DPYD: variants seen among roughly 807,000 people sequenced by gnomAD.
DPYD encodes dihydropyrimidine dehydrogenase [NADP(+)].
A neutral mutation model predicts 116.2 loss-of-function variants in DPYD; 109 were observed. That is an observed-to-expected ratio of 0.94 (90% CI 0.80 to 1.10). The LOEUF is 1.10. Among genes scored for constraint, DPYD ranks in the 50% least tolerant of loss-of-function variants. The pLI is 0.00. For synonymous variants in DPYD, 440 were observed against 432.0 expected (o/e 1.02, Z -0.23); for missense variants, 1,302 against 1,254.5 (o/e 1.04, Z -0.57).
chr1:97,873,806 A>T (rs990504620), intron 2 of DPYD, among the ~76,000 whole-genome samples: 1 of 151,984 alleles, frequency 6.6e-6, no homozygotes, highest in African/African-American at 2.4e-5. Context: ...TAAATATTCA[A>T]TTGTTATTTA....
At chr1:97,086,615 T>C (rs1447743882) in intron 21 of DPYD, among the ~76,000 whole-genome samples, 3 of 152,224 alleles carry the variant, frequency 2.0e-5, no homozygotes, top group Non-Finnish European at 4.4e-5. Flanking sequence ...CAGTTTCTAC[T>C]GCATGCCTAT....
At chr1:97,139,099 T>C (rs1654014809) in intron 20 of DPYD, among the ~76,000 whole-genome samples, 1 of 152,198 alleles carries the variant, frequency 6.6e-6, no homozygotes, top group Non-Finnish European at 1.5e-5. Flanking sequence ...AGTTTTTGGA[T>C]TAGTAAATCT....
chr1:97,493,375 AGAG>A (rs2101909446), intron 13 of DPYD, among the ~76,000 whole-genome samples: 1 of 152,334 alleles, frequency 6.6e-6, no homozygotes, highest in South Asian at 2.1e-4. Flanking sequence ...TCCAGAGCCC[AGAG>A]GAGTTCAAAT....
intron 18 of DPYD, among the ~76,000 whole-genome samples, chr1:97,290,334 A>G (rs1250218844): frequency 6.6e-6 from 1 of 151,984 alleles, no homozygotes; most frequent in Non-Finnish European, 1.5e-5. Context: ...GGAAAAAACT[A>G]CTTTAAAGTT....
chr1:97,484,519 G>C (rs538442942), intron 13 of DPYD, among the ~76,000 whole-genome samples: 203 of 152,134 alleles, frequency 1.3e-3, no homozygotes, highest in African/African-American at 4.6e-3. Context: ...TTGTGCCTTT[G>C]TGGCCACCAT....
At chr1:97,099,057 T>C (rs561059980) in intron 20 of DPYD, among the ~76,000 whole-genome samples, 1 of 152,104 alleles carries the variant, frequency 6.6e-6, no homozygotes, top group Non-Finnish European at 1.5e-5. Context: ...ACAGTTGTAG[T>C]CCCTGACAAA....
chr1:97,199,971 G>A (rs1418733317), intron 19 of DPYD, among the ~76,000 whole-genome samples: 1 of 152,102 alleles, frequency 6.6e-6, no homozygotes, highest in Non-Finnish European at 1.5e-5. Flanking sequence ...CATCTGAAAA[G>A]TAAAATAAAT....
intron 19 of DPYD, among the ~76,000 whole-genome samples, chr1:97,195,910 T>C (rs1449232707): frequency 6.6e-6 from 1 of 151,308 alleles, no homozygotes; most frequent in African/African-American, 2.4e-5. Context: ...CACTCGGCAA[T>C]ATACCGGATA....
At chr1:97,306,043 T>C (rs1667140135) in intron 17 of DPYD, 134 bp downstream of exon 17, 2 of 1,388,942 alleles carry the variant, frequency 1.4e-6, no homozygotes, top group Admixed American at 1.7e-5. Flanking sequence ...TGGGATCAAG[T>C]GCTCAACTGG....
intron 15 of DPYD, among the ~76,000 whole-genome samples, chr1:97,381,700 A>G (rs1315666729): frequency 1.3e-5 from 2 of 152,182 alleles, no homozygotes; most frequent in African/African-American, 4.8e-5. Context: ...AGTCTTCTAC[A>G]TTACTGAGAG....
chr1:97,280,327 C>A (rs1665238917), intron 18 of DPYD: 1 of 151,674 alleles, frequency 6.6e-6, no homozygotes, highest in African/African-American at 2.4e-5. Flanking sequence ...AGAAAAAAAC[C>A]AAACATAGCT....
At chr1:97,616,707 A>C (rs1656287868) in intron 8 of DPYD, among the ~76,000 whole-genome samples, 1 of 152,210 alleles carries the variant, frequency 6.6e-6, no homozygotes, top group Non-Finnish European at 1.5e-5. Context: ...ACAAAAAAGA[A>C]GAAATATATA....
chr1:97,210,812 C>T (rs964071027), intron 19 of DPYD, among the ~76,000 whole-genome samples: 4 of 152,248 alleles, frequency 2.6e-5, no homozygotes, highest in African/African-American at 7.2e-5. Flanking sequence ...TACTACTCCA[C>T]CAGTCCAAAG....
chr1:97,419,484 C>T (rs11165868), intron 14 of DPYD, among the ~76,000 whole-genome samples: 24,955 of 151,978 alleles, frequency 0.16, 2,319 homozygotes, highest in East Asian at 0.38. Flanking sequence ...AAAATAGGCA[C>T]CGATATTCCA....
intron 2 of DPYD, among the ~76,000 whole-genome samples, chr1:97,833,173 A>T (rs924005010): frequency 2.6e-5 from 4 of 152,158 alleles, no homozygotes; most frequent in Admixed American, 6.5e-5. Flanking sequence ...TAGGAAACCA[A>T]TTTTAACAAA....
At chr1:97,309,228 A>G (rs766478052) in intron 16 of DPYD, among the ~76,000 whole-genome samples, 1 of 151,904 alleles carries the variant, frequency 6.6e-6, no homozygotes, top group Middle Eastern at 3.4e-3. Context: ...CTAATACACA[A>G]AAACGTCTAC....
chr1:97,844,813 C>T (rs1010675405), intron 2 of DPYD, among the ~76,000 whole-genome samples: 1 of 152,198 alleles, frequency 6.6e-6, no homozygotes, highest in Non-Finnish European at 1.5e-5. Flanking sequence ...CCTGGGAAAC[C>T]CCCCACTGCC....
chr1:97,253,783 T>A (rs566134069), intron 18 of DPYD, among the ~76,000 whole-genome samples: 2 of 152,244 alleles, frequency 1.3e-5, no homozygotes, highest in South Asian at 4.1e-4. Context: ...CATTAAAAAA[T>A]AAACCTTTAT....
At chr1:97,761,200 A>G (rs940752151) in intron 3 of DPYD, among the ~76,000 whole-genome samples, 4 of 152,148 alleles carry the variant, frequency 2.6e-5, no homozygotes, top group Non-Finnish European at 4.4e-5. Flanking sequence ...AAACACAACA[A>G]TCACCGTAGA....
Sources: allele counts gnomAD v4.1 joint callset (sites outside exome capture counted in the v4.1 genomes callset), GRCh38; gene constraint gnomAD v4.1.1; transcripts MANE v1.5; gene names NCBI Gene and HGNC (gene_info 2026-07-23, HGNC 2026-07-21).